The following PDE3A variants were observed in gnomAD, a reference collection of about 807,000 sequenced individuals.
The protein encoded by PDE3A is phosphodiesterase 3A.
PDE3A carries 43 observed loss-of-function variants against 98.3 expected under a neutral mutation model. That is an observed-to-expected ratio of 0.44 (90% CI 0.34 to 0.56). The LOEUF (loss-of-function observed/expected upper bound fraction) is 0.56, where lower values mean the gene tolerates loss of function less well. PDE3A is among the 20% of genes least tolerant of loss of function. The pLI is 0.01. For synonymous variants in PDE3A, 663 were observed against 567.9 expected, an observed-to-expected ratio of 1.17 and a Z score of -2.38; for missense variants, 1,427 against 1,440.7, an observed-to-expected ratio of 0.99 and a Z score of 0.15.
intron 1 of PDE3A, among the ~76,000 whole-genome samples, chr12:20,375,221 C>T (rs1244336433): frequency 6.6e-6 from 1 of 151,916 alleles, no homozygotes; most frequent in Non-Finnish European, 1.5e-5. Context: ...ATTCTTGCAC[C>T]TAAAGATGTG....
chr12:20,492,154 T>A (rs118053435), intron 1 of PDE3A, among the ~76,000 whole-genome samples: 3,882 of 152,204 alleles, frequency 0.026, 72 homozygotes, highest in Middle Eastern at 0.044. Context: ...CCAATTCTTG[T>A]GTTTTTAGTA....
chr12:20,542,619 A>G (rs1352739697), intron 1 of PDE3A, among the ~76,000 whole-genome samples: 2 of 152,076 alleles, frequency 1.3e-5, no homozygotes, highest in African/African-American at 4.8e-5. Context: ...AATACATCAC[A>G]ATGTTTGATA....
At chr12:20,481,966 G>T (rs998506316) in intron 1 of PDE3A, among the ~76,000 whole-genome samples, 1 of 151,392 alleles carries the variant, frequency 6.6e-6, no homozygotes, top group Non-Finnish European at 1.5e-5. Flanking sequence ...GGATTTCACC[G>T]TGTTAGCCAG....
At position 20,654,012 on chromosome 12, in the gene PDE3A, G is replaced by A; in HGVS notation, c.2991G>A (p.Leu997=). The A allele has an allele frequency of 6.2e-7, 1 of 1,614,082 alleles. No individual in the cohort carries two copies. Among genetic ancestry groups the A allele is most frequent in the Non-Finnish European group, 8.5e-7 (1 of 1,179,996 alleles). ...SPFMDRSAPQ[L]ANLQESFISH... Reference sequence around the variant, plus strand: ...TCATGGATCGTTCTGCTCCTCAGCTGGCCAACCTTCAGGAATCCTTCATCT... The same window carrying A: ...TCATGGATCGTTCTGCTCCTCAGCTAGCCAACCTTCAGGAATCCTTCATCT... Residue 997 remains leucine, a synonymous_variant, in exon 15 of 16, where the codon CTG becomes CTA. Coordinates refer to ENST00000359062, the MANE Select transcript of PDE3A (RefSeq NM_000921.5).
At chr12:20,484,326 A>C (rs1378763820) in intron 1 of PDE3A, among the ~76,000 whole-genome samples, 1 of 152,200 alleles carries the variant, frequency 6.6e-6, no homozygotes, top group African/African-American at 2.4e-5. Flanking sequence ...TAATTTTTAT[A>C]TAAGGTTTTT....
intron 1 of PDE3A, among the ~76,000 whole-genome samples, chr12:20,374,232 G>A (rs997295807): frequency 2.0e-5 from 3 of 152,054 alleles, no homozygotes; most frequent in East Asian, 1.9e-4. Flanking sequence ...GACAAAAATT[G>A]TAATTTTACT....
intron 2 of PDE3A, among the ~76,000 whole-genome samples, chr12:20,581,490 T>C (rs1477897705): frequency 6.6e-6 from 1 of 152,242 alleles, no homozygotes; most frequent in African/African-American, 2.4e-5. Flanking sequence ...TTTCTCATGT[T>C]ACAATTTGTT....
In PDE3A at chr12:20,413,670, A is replaced by G. The variant is rs565248168; in HGVS notation, c.960+43426A>G. 3.3e-5 allele frequency among the ~76,000 whole-genome samples: 5 copies of G among 152,334 alleles called. No individual in the cohort carries two copies. The South Asian group carries it at 1.0e-3, about 32-fold the overall frequency. On this transcript the variant is annotated intron_variant, in intron 1 of 15. Transcript: ENST00000359062. ...GTGGGGGCCAAATGATGCAGGGCCT[A>G]GCTCTACTTGTCAAGGATTTTGAAA...
In PDE3A at chr12:20,681,386, A is replaced by G. The variant is rs1488589197; in HGVS notation, c.*1115A>G. 1.3e-5 allele frequency: 2 copies of G among 152,236 alleles called. No homozygotes were observed. The highest frequency in any genetic ancestry group is 2.9e-5 in the Non-Finnish European group (2 of 68,056). The allele number at this position is 152,236 out of a possible 1,614,324, so 9.4% of individuals were successfully genotyped here. Reference sequence around the variant, plus strand: ...GAGAAGGCTTGGGAAATTGTACTTCAGCGTGATAGCCTGTGTCTTCTTAAT... The same window carrying G: ...GAGAAGGCTTGGGAAATTGTACTTCGGCGTGATAGCCTGTGTCTTCTTAAT... On this transcript the variant is annotated 3_prime_UTR_variant, in exon 16 of 16. Transcript: ENST00000359062.
chr12:20,553,921 A>G (rs1375043520), intron 1 of PDE3A, among the ~76,000 whole-genome samples: 1 of 151,678 alleles, frequency 6.6e-6, no homozygotes, highest in African/African-American at 2.4e-5. Flanking sequence ...GAACCGTTTG[A>G]GCCTTATAGA....
chr12:20,453,173 C>CA (rs746435617), intron 1 of PDE3A, among the ~76,000 whole-genome samples: 3 of 124,616 alleles, frequency 2.4e-5, no homozygotes, highest in African/African-American at 9.1e-5. Context: ...CTTGATAATG[C>CA]TTTTTTTTTT....
chr12:20,542,526 A>G (rs779882574), intron 1 of PDE3A, among the ~76,000 whole-genome samples: 1 of 151,862 alleles, frequency 6.6e-6, no homozygotes, highest in East Asian at 1.9e-4. Flanking sequence ...AATGTAAACC[A>G]TTTGGATATC....
At chr12:20,440,690 G>A (rs1472806318) in intron 1 of PDE3A, among the ~76,000 whole-genome samples, 1 of 152,118 alleles carries the variant, frequency 6.6e-6, no homozygotes, top group Non-Finnish European at 1.5e-5. Flanking sequence ...AAAACTATTT[G>A]TTAACAGCCA....
At chr12:20,445,108 T>A (rs1364628251) in intron 1 of PDE3A, among the ~76,000 whole-genome samples, 3 of 152,192 alleles carry the variant, frequency 2.0e-5, no homozygotes, top group Non-Finnish European at 2.9e-5. Context: ...GTAAACGGGT[T>A]GCAAAAGAGC....
intron 2 of PDE3A, chr12:20,557,037 T>C (rs934784482): frequency 3.8e-6 from 1 of 262,520 alleles, no homozygotes; most frequent in African/African-American, 2.3e-5. Flanking sequence ...TTTTTCCGTG[T>C]ATTTTCTTTT....
At chr12:20,674,207 G>C (rs1945572897) in intron 15 of PDE3A, among the ~76,000 whole-genome samples, 1 of 152,066 alleles carries the variant, frequency 6.6e-6, no homozygotes, top group Non-Finnish European at 1.5e-5. Context: ...TCAGATCTAA[G>C]AGTTTTTTGA....
intron 2 of PDE3A, among the ~76,000 whole-genome samples, chr12:20,594,224 T>C (rs977636186): frequency 6.6e-6 from 1 of 152,096 alleles, no homozygotes; most frequent in Non-Finnish European, 1.5e-5. Flanking sequence ...TGTTTTTAAG[T>C]TGCGAGGAAA....
chr12:20,399,426 G>C (rs898099988), intron 1 of PDE3A, among the ~76,000 whole-genome samples: 8 of 152,110 alleles, frequency 5.3e-5, no homozygotes, highest in African/African-American at 1.9e-4. Context: ...TTCTTAAACT[G>C]ATCCTAATCA....
intron 15 of PDE3A, among the ~76,000 whole-genome samples, chr12:20,658,191 T>A (rs770269216): frequency 6.6e-6 from 1 of 152,352 alleles, no homozygotes; most frequent in Non-Finnish European, 1.5e-5. Context: ...TTATTTAAAT[T>A]TCAATTGTAT....
Sources: allele counts gnomAD v4.1 joint callset (sites outside exome capture counted in the v4.1 genomes callset), GRCh38; gene constraint gnomAD v4.1.1; transcripts MANE v1.5; gene names NCBI Gene and HGNC (gene_info 2026-07-23, HGNC 2026-07-21).